The following WDR5 variants were observed in gnomAD, a reference collection of about 807,000 sequenced individuals.
WDR5 encodes WD repeat domain 5, also known as WD repeat-containing protein 5.
For missense variants in WDR5, 187 were observed against 416.9 expected (o/e 0.45, Z 4.80); for synonymous variants, 144 against 161.6 (o/e 0.89, Z 0.83).
intron 7 of WDR5, among the ~76,000 whole-genome samples, chr9:134,145,698 C>G (rs1238574517): frequency 6.6e-6 from 1 of 152,234 alleles, no homozygotes; most frequent in Non-Finnish European, 1.5e-5. Context: ...TGTCCCCTCT[C>G]TGGCCAGGGT....
Position 134,157,765 on chromosome 9 carries a change from C to G in WDR5, c.905-128C>G. On this transcript the variant is annotated intron_variant, in intron 13 of 13. Coordinates refer to ENST00000358625, the MANE Select transcript of WDR5 (RefSeq NM_017588.3). This position sits in a 1 kb window ranked among gnomAD's most constrained non-coding sequence, Gnocchi z 5.0. ...TCGAAGGTGGGCAGTGGGTGCTTGT[C>G]CTGTGACCTCCCAGGTGGCGGGCAG... is the stretch of plus-strand genomic sequence containing the variant. 1 of 798,030 alleles carries G rather than the reference C, an allele frequency of 1.3e-6. No individual in the cohort carries two copies. Among genetic ancestry groups the G allele is most frequent in the South Asian group, 1.6e-5 (1 of 62,008 alleles). The allele number at this position is 798,030 out of a possible 1,614,324, so 49.4% of individuals were successfully genotyped here.
intron 7 of WDR5, among the ~76,000 whole-genome samples, chr9:134,145,347 C>T (rs1287092374): frequency 6.6e-6 from 1 of 152,170 alleles, no homozygotes; most frequent in Non-Finnish European, 1.5e-5. Flanking sequence ...GATCCGCCCG[C>T]CTGGTCCTCC....
chr9:134,142,564 C>G, intron 6 of WDR5, 72 bp from the exon 7 acceptor site: 1 of 1,569,400 alleles, frequency 6.4e-7, no homozygotes. Flanking sequence ...GGGCTGATAG[C>G]AGGTCTTAGG....
At chr9:134,145,096 G>GTTTTTTGTTTTTT (rs1316019740) in intron 7 of WDR5, among the ~76,000 whole-genome samples, 1,578 of 104,682 alleles carry the variant, frequency 0.015, 34 homozygotes, top group Middle Eastern at 0.029. Flanking sequence ...GTGGGGCTTT[G>GTTTTTTGTTTTTT]TTTTTTTTTT....
intron 7 of WDR5, among the ~76,000 whole-genome samples, chr9:134,145,295 C>T (rs1045914910): frequency 9.2e-5 from 14 of 152,020 alleles, no homozygotes; most frequent in African/African-American, 2.7e-4. Flanking sequence ...GACAGGGTTT[C>T]ACCATGTTGG....
intron 8 of WDR5, 64 bp downstream of exon 8, chr9:134,148,407 G>C: frequency 1.4e-6 from 2 of 1,438,966 alleles, no homozygotes; most frequent in Non-Finnish European, 1.9e-6. Context: ...CTCTTGCACT[G>C]TTCCTGCATC....
At chr9:134,149,952 G>C (rs764699909) in intron 8 of WDR5, among the ~76,000 whole-genome samples, 6 of 152,194 alleles carry the variant, frequency 3.9e-5, no homozygotes, top group Non-Finnish European at 8.8e-5. Flanking sequence ...CGCTGAAGAG[G>C]CTGGAAAAGG....
chr9:134,157,949 C>T lies in WDR5; in HGVS notation c.961C>T (p.Leu321=), dbSNP rs1190835386. 1 of 1,614,166 alleles carries T rather than the reference C, an allele frequency of 6.2e-7. No individual in the cohort carries two copies. The highest frequency in any genetic ancestry group is 8.5e-7 in the Non-Finnish European group (1 of 1,180,002). Residue 321 remains leucine, a synonymous_variant, in exon 14 of 14, where the codon CTA becomes TTA. Coordinates refer to ENST00000358625, the MANE Select transcript of WDR5 (RefSeq NM_017588.3). The surrounding 1 kb of genome is among the most constrained non-coding windows in gnomAD (Gnocchi z 5.0). The part of the protein sequence containing the change: ...PTENIIASAA[L]ENDKTIKLWK... ...AGAAAACATCATCGCCTCTGCTGCG[C>T]TAGAAAATGACAAAACAATTAAACT...
At chr9:134,154,969 G>T (rs1832681993) in intron 10 of WDR5, among the ~76,000 whole-genome samples, 2 of 152,220 alleles carry the variant, frequency 1.3e-5, no homozygotes, top group Non-Finnish European at 2.9e-5. Context: ...GTGGGTCCGA[G>T]CCTGGGCCCT....
In WDR5 at chr9:134,159,375, G is replaced by A. The variant is rs1444789427; in HGVS notation, c.*1382G>A. 1.3e-5 allele frequency: 2 copies of A among 152,470 alleles called. No homozygotes were observed. Among genetic ancestry groups the A allele is most frequent in the African/African-American group, 2.4e-5 (1 of 41,446 alleles). 9.4% of individuals were successfully genotyped at this position (152,470 alleles called of 1,614,324 possible). ...TGGGTCTACAGAGGGCCCTGGCCCC[G>A]GAGCCCAGCCAGCTCTGCCTCTCTC... On this transcript the variant is annotated 3_prime_UTR_variant, in exon 14 of 14. Transcript: ENST00000358625. This position sits in a 1 kb window ranked among gnomAD's most constrained non-coding sequence, Gnocchi z 4.3.
chr9:134,150,776 C>G (rs1832449457), intron 8 of WDR5, among the ~76,000 whole-genome samples: 1 of 152,156 alleles, frequency 6.6e-6, no homozygotes, highest in African/African-American at 2.4e-5. Context: ...CGTGTCAGCT[C>G]TGGAGTCTGG....
chr9:134,140,902 C>A, intron 3 of WDR5, 91 bp downstream of exon 3: 1 of 1,270,250 alleles, frequency 7.9e-7, no homozygotes, highest in Non-Finnish European at 1.1e-6. Flanking sequence ...TCCTCACCTA[C>A]CGCTGGGGAG....
At chr9:134,146,772 T>C (rs1564192342) in intron 7 of WDR5, among the ~76,000 whole-genome samples, 1 of 152,236 alleles carries the variant, frequency 6.6e-6, no homozygotes, top group Non-Finnish European at 1.5e-5. Flanking sequence ...CGTAATAGTC[T>C]CAATAAGAGA....
rs1365716936 is a variant in WDR5, at chr9:134,142,023, A to G, written c.339A>G (p.Ile113Met). The G allele has an allele frequency of 6.2e-7, 1 of 1,613,984 alleles. No homozygotes were observed. Among genetic ancestry groups the G allele is most frequent in the Non-Finnish European group, 8.5e-7 (1 of 1,180,008 alleles). Residue 113 changes from isoleucine to methionine, a missense_variant, in exon 5 of 14, where the codon ATA (isoleucine) becomes ATG (methionine). Physicochemically the swap from Ile to Met is conservative, Grantham distance 10. Transcript: ENST00000358625. ...VSASDDKTLK[I>M]WDVSSGKCLK... ...CCTCAGATGACAAAACCTTGAAGAT[A>G]TGGGACGTGAGCTCGGTAAGTGACA...
rs940603875 is a variant in WDR5, at chr9:134,157,290, G to A, written c.905-603G>A. ...TCCCCTGGGTCCTCGCCGGCGTTCT[G>A]GGGTTCTTTGGTTTACGTAGAAGCT... On this transcript the variant is annotated intron_variant, in intron 13 of 13. Transcript: ENST00000358625. The surrounding 1 kb of genome is among the most constrained non-coding windows in gnomAD (Gnocchi z 5.0). Among the ~76,000 whole-genome samples the A allele has an allele frequency of 6.6e-6, 1 of 152,188 alleles. No individual in the cohort carries two copies. Among genetic ancestry groups the A allele is most frequent in the Non-Finnish European group, 1.5e-5 (1 of 68,030 alleles).
intron 7 of WDR5, 29 bp downstream of exon 7, chr9:134,142,748 T>C (rs375081873): frequency 4.2e-5 from 67 of 1,608,260 alleles, no homozygotes; most frequent in Non-Finnish European, 5.4e-5. Flanking sequence ...GATGGGGTGG[T>C]GTCCAGCACT....
chr9:134,153,364 C>T (rs1302285348), intron 9 of WDR5, among the ~76,000 whole-genome samples: 4 of 152,216 alleles, frequency 2.6e-5, no homozygotes, highest in African/African-American at 4.8e-5. Flanking sequence ...GTTTTCCCAT[C>T]GGCGTCTCCT....
intron 3 of WDR5, among the ~76,000 whole-genome samples, chr9:134,141,108 C>A (rs1228754273): frequency 6.6e-6 from 1 of 152,088 alleles, no homozygotes; most frequent in African/African-American, 2.4e-5. Flanking sequence ...ATGGTGAAAC[C>A]CTGTCTCTAT....
At chr9:134,149,166 G>T (rs1198939267) in intron 8 of WDR5, among the ~76,000 whole-genome samples, 4 of 152,158 alleles carry the variant, frequency 2.6e-5, no homozygotes, top group Non-Finnish European at 4.4e-5. Context: ...TCCCCAGGGG[G>T]TCACAGTCTG....
Sources: gnomAD v4.1 joint callset for allele counts (sites outside exome capture counted in the v4.1 genomes callset) on GRCh38, gnomAD v4.1.1 for gene constraint, Gnocchi (gnomAD v3.1) non-coding constraint, MANE v1.5 for transcripts, NCBI Gene and HGNC (gene_info 2026-07-23, HGNC 2026-07-21) for gene names.